The following RXRG variants were observed in gnomAD, a reference collection of about 807,000 sequenced individuals.
RXRG encodes the protein retinoid X receptor gamma.
Under a neutral mutation model 49.2 loss-of-function variants are expected in RXRG, and 19 were observed. The ratio of observed to expected loss-of-function variants is 0.39; its 90% CI spans 0.27 to 0.57. The LOEUF is 0.57. RXRG is among the 20% of genes least tolerant of loss of function. The pLI is 0.64. For synonymous variants in RXRG, 224 were observed against 216.6 expected (o/e 1.03, Z -0.30); for missense variants, 452 against 592.5 (o/e 0.76, Z 2.46).
chr1:165,442,664 G>A (rs1055913160), intron 1 of RXRG, among the ~76,000 whole-genome samples: 1 of 152,074 alleles, frequency 6.6e-6, no homozygotes, highest in East Asian at 1.9e-4. Context: ...TAACTATTTT[G>A]CATGTTAGTC....
intron 8 of RXRG, among the ~76,000 whole-genome samples, chr1:165,407,642 C>A (rs746425984): frequency 4.6e-5 from 7 of 152,334 alleles, no homozygotes; most frequent in Non-Finnish European, 7.3e-5. Context: ...CTCTCAGATG[C>A]ACATGGCTTC....
intron 1 of RXRG, among the ~76,000 whole-genome samples, chr1:165,440,292 C>G (rs947782791): frequency 5.3e-5 from 8 of 152,172 alleles, no homozygotes; most frequent in Admixed American, 2.0e-4. Context: ...GTTTTTACAT[C>G]TGTATAATGG....
intron 1 of RXRG, chr1:165,436,911 C>A: frequency 1.8e-6 from 2 of 1,104,634 alleles, no homozygotes; most frequent in East Asian, 7.6e-5. Flanking sequence ...AATTAACAAC[C>A]AAACTTGAAA....
In RXRG at chr1:165,405,049, G is replaced by A. The variant is rs565651129; in HGVS notation, c.1244+1763C>T. On this transcript the variant is annotated intron_variant, in intron 9 of 9. Coordinates refer to ENST00000359842, the MANE Select transcript of RXRG (RefSeq NM_006917.5). ...GCTGGGATTACAGACATGAGCCACCGCATATTTTTAAAAAATATTTTTATA... is the reference window on the plus strand; with the variant it reads ...GCTGGGATTACAGACATGAGCCACCACATATTTTTAAAAAATATTTTTATA... Among the ~76,000 whole-genome samples, 121 of 152,146 alleles carry A rather than the reference G, an allele frequency of 8.0e-4. 1 individual carries two copies. The highest frequency in any genetic ancestry group is 6.8e-3 in the Middle Eastern group (2 of 292).
chr1:165,406,063 A>C (rs145515103), intron 9 of RXRG, among the ~76,000 whole-genome samples: 96 of 152,378 alleles, frequency 6.3e-4, no homozygotes, highest in African/African-American at 2.0e-3. Context: ...AGATTTGAGG[A>C]TCATACTTTC....
intron 1 of RXRG, among the ~76,000 whole-genome samples, chr1:165,435,984 C>T (rs1305126907): frequency 2.6e-5 from 4 of 152,168 alleles, no homozygotes; most frequent in African/African-American, 9.7e-5. Context: ...TTCCAATAAG[C>T]TTGCAGACCT....
At chr1:165,444,278 C>A (rs1659091016) in intron 1 of RXRG, among the ~76,000 whole-genome samples, 1 of 152,086 alleles carries the variant, frequency 6.6e-6, no homozygotes, top group Non-Finnish European at 1.5e-5. Context: ...ATTAGCAAAT[C>A]AAAGGAAAGA....
At chr1:165,407,330 C>G (rs978102617) in intron 8 of RXRG, among the ~76,000 whole-genome samples, 9 of 152,228 alleles carry the variant, frequency 5.9e-5, no homozygotes, top group Non-Finnish European at 1.2e-4. Context: ...GATAAAGCCT[C>G]TGCATGAATG....
At chr1:165,434,653 C>T (rs921017124) in intron 1 of RXRG, among the ~76,000 whole-genome samples, 8 of 152,152 alleles carry the variant, frequency 5.3e-5, no homozygotes, top group African/African-American at 1.9e-4. Flanking sequence ...CAGGAGTCTC[C>T]ATATGAAGTC....
Position 165,406,727 on chromosome 1 carries a change from A to T in RXRG, c.1244+85T>A. The T allele has an allele frequency of 5.3e-6, 5 of 949,726 alleles. No homozygotes were observed. The South Asian group carries it at 6.7e-5, about 13-fold the overall frequency. 58.8% of individuals were successfully genotyped at this position (949,726 alleles called of 1,614,324 possible). Reference sequence around the variant, plus strand: ...AAATAACATTTAAAAACACCTAAACAGTGCCTGCTGCACTTTAGGGGCTCA... The same window carrying T: ...AAATAACATTTAAAAACACCTAAACTGTGCCTGCTGCACTTTAGGGGCTCA... On this transcript the variant is annotated intron_variant, in intron 9 of 9. Coordinates refer to ENST00000359842, the MANE Select transcript of RXRG (RefSeq NM_006917.5).
rs968999229 is a variant in RXRG, at chr1:165,417,048, C to T, written c.615G>A (p.Lys205=). The part of the protein sequence containing the change: ...RYQKCLVMGM[K]REAVQEERQR... ...GAACTGAATGTGTCTCACCTTCCCT[C>T]TTCATGCCCATGACAAGGCACTTCT... The change falls in exon 4 of 10, where the codon AAG becomes AAA. Residue 205 remains lysine (K), a synonymous_variant. Coordinates refer to ENST00000359842, the MANE Select transcript of RXRG (RefSeq NM_006917.5). The T allele has an allele frequency of 2.5e-5, 41 of 1,612,880 alleles. No individual in the cohort carries two copies. The highest frequency in any genetic ancestry group is 3.4e-5 in the Non-Finnish European group (40 of 1,179,396).
At chr1:165,404,398 T>C (rs1227041596) in intron 9 of RXRG, among the ~76,000 whole-genome samples, 1 of 152,208 alleles carries the variant, frequency 6.6e-6, no homozygotes, top group Admixed American at 6.5e-5. Flanking sequence ...CTGCCAGCCA[T>C]ATTCTGGCAG....
At chr1:165,406,649 C>T (rs1042480471) in intron 9 of RXRG, among the ~76,000 whole-genome samples, 163 bp downstream of exon 9, 8 of 152,154 alleles carry the variant, frequency 5.3e-5, no homozygotes, top group East Asian at 1.9e-4. Flanking sequence ...CAGATAAGGC[C>T]GCTAGCCCAA....
chr1:165,436,919 A>T, intron 1 of RXRG: 1 of 1,110,114 alleles, frequency 9.0e-7, no homozygotes, highest in Non-Finnish European at 1.1e-6. Context: ...ACCAAACTTG[A>T]AAAGTGGAAA....
chr1:165,417,818 T>G (rs1236705763), intron 3 of RXRG, among the ~76,000 whole-genome samples: 2 of 152,166 alleles, frequency 1.3e-5, no homozygotes, highest in Admixed American at 6.5e-5. Context: ...AAGCTGATTT[T>G]GCAGCCGGGC....
intron 9 of RXRG, among the ~76,000 whole-genome samples, chr1:165,404,213 A>G (rs928833729): frequency 1.3e-5 from 2 of 152,192 alleles, no homozygotes; most frequent in African/African-American, 4.8e-5. Context: ...TGATGTACCT[A>G]CTGAGCCAAC....
chr1:165,413,096 A>G (rs1325009112), intron 4 of RXRG, among the ~76,000 whole-genome samples: 1 of 152,184 alleles, frequency 6.6e-6, no homozygotes, highest in Non-Finnish European at 1.5e-5. Flanking sequence ...CTGGTTTTGT[A>G]TGAGCAAACC....
chr1:165,442,957 C>A (rs1659051501), intron 1 of RXRG, among the ~76,000 whole-genome samples: 1 of 152,160 alleles, frequency 6.6e-6, no homozygotes, highest in South Asian at 2.1e-4. Context: ...ATTAAAGCAA[C>A]AATATTATAA....
intron 3 of RXRG, 36 bp downstream of exon 3, chr1:165,419,834 T>A: frequency 6.5e-7 from 1 of 1,542,974 alleles, no homozygotes; most frequent in Non-Finnish European, 8.8e-7. Flanking sequence ...CCCTTCTCTG[T>A]GGCACTTTTC....
Sources: gnomAD v4.1 joint callset for allele counts (sites outside exome capture counted in the v4.1 genomes callset) on GRCh38, gnomAD v4.1.1 for gene constraint, MANE v1.5 for transcripts, NCBI Gene and HGNC (gene_info 2026-07-23, HGNC 2026-07-21) for gene names.